MACROD2: variants seen among roughly 807,000 people sequenced by gnomAD.
The protein encoded by MACROD2 is mono-ADP ribosylhydrolase 2, also known as ADP-ribose glycohydrolase MACROD2.
Under a neutral mutation model 70.4 loss-of-function variants are expected in MACROD2, and 36 were observed. The observed-to-expected ratio is 0.51, with a 90% CI of 0.39 to 0.68. MACROD2 has a LOEUF of 0.68. MACROD2 is among the 30% of genes least tolerant of loss of function. MACROD2 has a pLI of 0.00. For synonymous variants in MACROD2, 172 were observed against 178.8 expected (o/e 0.96, Z 0.30); for missense variants, 496 against 538.4 (o/e 0.92, Z 0.78).
At chr20:15,990,246 G>T (rs2066539790) in intron 15 of MACROD2, among the ~76,000 whole-genome samples, 1 of 152,116 alleles carries the variant, frequency 6.6e-6, no homozygotes, top group African/African-American at 2.4e-5. Flanking sequence ...CGTCATTTAG[G>T]TTAATAACCA....
At chr20:15,427,385 T>A (rs1216506367) in intron 6 of MACROD2, among the ~76,000 whole-genome samples, 1 of 152,212 alleles carries the variant, frequency 6.6e-6, no homozygotes, top group East Asian at 1.9e-4. Context: ...GTGCAGTATG[T>A]TTTTCTTCTG....
intron 4 of MACROD2, among the ~76,000 whole-genome samples, chr20:14,569,299 C>T (rs554448712): frequency 1.7e-3 from 263 of 152,022 alleles, no homozygotes; most frequent in African/African-American, 6.0e-3. Flanking sequence ...GCTCACCTTC[C>T]ATCAGTTAAT....
chr20:14,527,452 T>C (rs1160873800), intron 4 of MACROD2, among the ~76,000 whole-genome samples: 1 of 151,918 alleles, frequency 6.6e-6, no homozygotes, highest in Non-Finnish European at 1.5e-5. Flanking sequence ...ACCACTCTCT[T>C]CCCTTCCCAG....
chr20:14,719,989 T>G (rs2071445921), intron 5 of MACROD2, among the ~76,000 whole-genome samples: 1 of 152,152 alleles, frequency 6.6e-6, no homozygotes, highest in African/African-American at 2.4e-5. Flanking sequence ...AATTTCACCT[T>G]TTATCTTCCT....
chr20:15,352,801 T>G (rs1037999804), intron 6 of MACROD2, among the ~76,000 whole-genome samples: 4 of 152,072 alleles, frequency 2.6e-5, no homozygotes, highest in Non-Finnish European at 5.9e-5. Flanking sequence ...ACAAGGGATG[T>G]GAAGGACCTC....
At chr20:15,056,110 C>T (rs2075483272) in intron 5 of MACROD2, among the ~76,000 whole-genome samples, 1 of 152,108 alleles carries the variant, frequency 6.6e-6, no homozygotes, top group Non-Finnish European at 1.5e-5. Flanking sequence ...TTAAAGTCTA[C>T]TTGACAGCTG....
At chr20:14,101,631 G>A (rs1419774331) in intron 3 of MACROD2, among the ~76,000 whole-genome samples, 2 of 151,936 alleles carry the variant, frequency 1.3e-5, no homozygotes, top group Non-Finnish European at 2.9e-5. Context: ...GTGTTTATAA[G>A]CAAAGACAAA....
chr20:14,760,355 G>A (rs972520994), intron 5 of MACROD2, among the ~76,000 whole-genome samples: 22 of 152,066 alleles, frequency 1.4e-4, no homozygotes, highest in Non-Finnish European at 2.1e-4. Context: ...GATACTATAA[G>A]CATACAGAAA....
At chr20:14,454,292 A>C (rs2122994747) in intron 3 of MACROD2, among the ~76,000 whole-genome samples, 1 of 151,606 alleles carries the variant, frequency 6.6e-6, no homozygotes, top group Non-Finnish European at 1.5e-5. Context: ...TGTATGAGTA[A>C]TTTTCATAGT....
chr20:14,589,715 G>A (rs564307132), intron 4 of MACROD2, among the ~76,000 whole-genome samples: 8 of 152,150 alleles, frequency 5.3e-5, no homozygotes, highest in South Asian at 2.1e-4. Context: ...TGTATTAGAC[G>A]TGGCTAGCCA....
At chr20:15,948,072 G>A (rs2065850047) in intron 12 of MACROD2, among the ~76,000 whole-genome samples, 1 of 152,050 alleles carries the variant, frequency 6.6e-6, no homozygotes, top group African/African-American at 2.4e-5. Flanking sequence ...GTTGAGAGGG[G>A]GGACTGAGAG....
At chr20:14,723,945 T>C (rs1048673618) in intron 5 of MACROD2, among the ~76,000 whole-genome samples, 1 of 152,138 alleles carries the variant, frequency 6.6e-6, no homozygotes, top group African/African-American at 2.4e-5. Flanking sequence ...GTTTGAAAAT[T>C]GTATTCTGTT....
intron 3 of MACROD2, among the ~76,000 whole-genome samples, chr20:14,314,855 A>G (rs991408513): frequency 6.6e-6 from 1 of 152,172 alleles, no homozygotes; most frequent in Admixed American, 6.5e-5. Context: ...TCTACTTGAA[A>G]TACATAATTT....
At chr20:14,111,899 G>A (rs1417517516) in intron 3 of MACROD2, among the ~76,000 whole-genome samples, 1 of 151,966 alleles carries the variant, frequency 6.6e-6, no homozygotes, top group Non-Finnish European at 1.5e-5. Context: ...AGAGATATCT[G>A]CACACGCATG....
chr20:14,145,686 C>T (rs983992459), intron 3 of MACROD2, among the ~76,000 whole-genome samples: 5 of 152,250 alleles, frequency 3.3e-5, no homozygotes, highest in African/African-American at 1.2e-4. Flanking sequence ...ATAATATTTA[C>T]AAAATAGTTA....
chr20:15,618,399 T>A (rs1468361648), intron 8 of MACROD2, among the ~76,000 whole-genome samples: 1 of 152,078 alleles, frequency 6.6e-6, no homozygotes, highest in Non-Finnish European at 1.5e-5. Flanking sequence ...CTAGATCTCA[T>A]CTCTAGTGGA....
intron 6 of MACROD2, among the ~76,000 whole-genome samples, chr20:15,359,894 C>T (rs562251125): frequency 1.8e-4 from 28 of 152,118 alleles, no homozygotes; most frequent in African/African-American, 6.3e-4. Flanking sequence ...TACATAGTTC[C>T]GTGTCCTTTG....
intron 2 of MACROD2, among the ~76,000 whole-genome samples, chr20:14,020,280 C>T (rs1335732769): frequency 3.9e-5 from 6 of 152,098 alleles, no homozygotes; most frequent in Non-Finnish European, 7.4e-5. Flanking sequence ...CAAGACCAGC[C>T]TGACCAATAC....
chr20:16,002,337 C>G (rs67890822), intron 15 of MACROD2, among the ~76,000 whole-genome samples: 18,473 of 152,142 alleles, frequency 0.12, 1,359 homozygotes, highest in African/African-American at 0.2. Context: ...ATCCCAGGAA[C>G]CTTTCCATGT....
Sources: allele counts gnomAD v4.1 joint callset (sites outside exome capture counted in the v4.1 genomes callset), GRCh38; gene constraint gnomAD v4.1.1; transcripts MANE v1.5; gene names NCBI Gene and HGNC (gene_info 2026-07-23, HGNC 2026-07-21).